The following TBC1D22A variants were observed in gnomAD, a reference collection of about 807,000 sequenced individuals.
TBC1D22A encodes the protein putative GTPase activator.
TBC1D22A carries 38 observed loss-of-function variants against 60.2 expected under a neutral mutation model. That is an observed-to-expected ratio of 0.63 (90% confidence interval 0.49 to 0.83). TBC1D22A has a LOEUF of 0.83. Ranked by LOEUF, TBC1D22A falls within the 40% of genes least tolerant of loss-of-function variation. The probability of loss-of-function intolerance (pLI) is 0.00; values close to 1 mark genes in which losing one functional copy is unlikely to be tolerated. For missense variants in TBC1D22A, 628 were observed against 701.0 expected, an observed-to-expected ratio of 0.90 and a Z score of 1.18; for synonymous variants, 302 against 281.7, an observed-to-expected ratio of 1.07 and a Z score of -0.72.
intron 9 of TBC1D22A, among the ~76,000 whole-genome samples, chr22:46,997,006 G>C (rs1055820623): frequency 6.6e-6 from 1 of 152,174 alleles, no homozygotes; most frequent in East Asian, 1.9e-4. Context: ...CCTAGAGCTG[G>C]GGCCCCATTC....
At chr22:47,054,596 C>G (rs574310983) in intron 11 of TBC1D22A, among the ~76,000 whole-genome samples, 1 of 152,230 alleles carries the variant, frequency 6.6e-6, no homozygotes, top group Admixed American at 6.5e-5. Context: ...ATTCCAGCCA[C>G]GCGGCTCCTC....
intron 12 of TBC1D22A, among the ~76,000 whole-genome samples, chr22:47,129,718 A>G (rs897230213): frequency 4.6e-5 from 7 of 152,216 alleles, no homozygotes; most frequent in Non-Finnish European, 7.3e-5. Context: ...CTTTTTAAAA[A>G]ACAAAAATTT....
intron 12 of TBC1D22A, among the ~76,000 whole-genome samples, chr22:47,136,166 C>A (rs1459187376): frequency 6.6e-6 from 1 of 152,252 alleles, no homozygotes; most frequent in East Asian, 1.9e-4. Context: ...TCCACCACGT[C>A]CCCTGAGGCC....
At chr22:46,795,132 A>T (rs2084596848) in intron 3 of TBC1D22A, among the ~76,000 whole-genome samples, 1 of 152,224 alleles carries the variant, frequency 6.6e-6, no homozygotes, top group Admixed American at 6.5e-5. Flanking sequence ...TCGTAACTGG[A>T]AATCTGGTGA....
chr22:47,027,651 G>GCAGACGA (rs1295145852), intron 10 of TBC1D22A, among the ~76,000 whole-genome samples: 1 of 152,174 alleles, frequency 6.6e-6, no homozygotes, highest in Non-Finnish European at 1.5e-5. Flanking sequence ...GAAACACAGA[G>GCAGACGA]CGTCTTTGTG....
At chr22:47,126,804 C>G (rs2066475185) in intron 12 of TBC1D22A, among the ~76,000 whole-genome samples, 1 of 152,208 alleles carries the variant, frequency 6.6e-6, no homozygotes. Flanking sequence ...GGAAATCCCT[C>G]CACTGACCCA....
intron 10 of TBC1D22A, among the ~76,000 whole-genome samples, chr22:47,035,749 G>C (rs904257797): frequency 6.6e-6 from 1 of 152,172 alleles, no homozygotes; most frequent in African/African-American, 2.4e-5. Context: ...GCTTAGTGGA[G>C]CCTGCTTGGA....
At chr22:47,162,463 C>T (rs17763276) in intron 12 of TBC1D22A, among the ~76,000 whole-genome samples, 62,712 of 152,032 alleles carry the variant, frequency 0.41, 14,034 homozygotes, top group East Asian at 0.69. Context: ...GACCGAGCCT[C>T]CTGCATAGCC....
At chr22:46,970,230 A>C (rs1251647553) in intron 8 of TBC1D22A, among the ~76,000 whole-genome samples, 111 of 122,244 alleles carry the variant, frequency 9.1e-4, no homozygotes, top group East Asian at 1.3e-3. Flanking sequence ...CCTGACCCCC[A>C]CCCCCAGGGC....
intron 4 of TBC1D22A, among the ~76,000 whole-genome samples, chr22:46,797,833 T>C (rs1037924689): frequency 1.1e-4 from 16 of 152,252 alleles, no homozygotes; most frequent in Non-Finnish European, 2.1e-4. Context: ...TTAATGTTTT[T>C]CCCATGCAAT....
intron 8 of TBC1D22A, among the ~76,000 whole-genome samples, chr22:46,941,654 A>ATATACGCGGAT: frequency 1.5e-5 from 1 of 66,942 alleles, no homozygotes; most frequent in Non-Finnish European, 3.5e-5. Context: ...TATATACGGA[A>ATATACGCGGAT]TATATATACG....
chr22:46,942,005 A>T (rs759517729), intron 8 of TBC1D22A, among the ~76,000 whole-genome samples: 21 of 132,838 alleles, frequency 1.6e-4, no homozygotes, highest in Non-Finnish European at 3.0e-4. Flanking sequence ...GGGCACCAGC[A>T]TACATATATA....
At chr22:47,092,176 G>A (rs2065003136) in intron 11 of TBC1D22A, among the ~76,000 whole-genome samples, 1 of 152,180 alleles carries the variant, frequency 6.6e-6, no homozygotes, top group South Asian at 2.1e-4. Context: ...TGCACTGGAG[G>A]GATGTCGGAG....
intron 4 of TBC1D22A, among the ~76,000 whole-genome samples, chr22:46,834,659 T>C (rs1415427901): frequency 6.6e-6 from 1 of 152,240 alleles, no homozygotes; most frequent in African/African-American, 2.4e-5. Context: ...GGGCTGGGAC[T>C]GTCAGTAGTC....
intron 11 of TBC1D22A, among the ~76,000 whole-genome samples, chr22:47,097,055 C>A (rs1270948296): frequency 1.6e-5 from 1 of 62,940 alleles, no homozygotes; most frequent in African/African-American, 9.0e-5. Flanking sequence ...GTGTCCACAT[C>A]AGTATGGGCA....
intron 1 of TBC1D22A, among the ~76,000 whole-genome samples, chr22:46,782,508 C>T (rs1159664121): frequency 6.6e-6 from 1 of 152,216 alleles, no homozygotes; most frequent in Non-Finnish European, 1.5e-5. Flanking sequence ...CACGTACATA[C>T]CACACCGTTC....
intron 1 of TBC1D22A, among the ~76,000 whole-genome samples, chr22:46,771,961 G>A (rs2083493452): frequency 6.6e-6 from 1 of 151,960 alleles, no homozygotes; most frequent in South Asian, 2.1e-4. Flanking sequence ...ACTTTACCCA[G>A]AATTGTTGTC....
chr22:46,829,115 T>C (rs2086196263), intron 4 of TBC1D22A, among the ~76,000 whole-genome samples: 1 of 152,202 alleles, frequency 6.6e-6, no homozygotes, highest in African/African-American at 2.4e-5. Flanking sequence ...CTGTGCATTC[T>C]CCAAGTGTCG....
At chr22:47,011,651 C>T (rs1411233737) in intron 10 of TBC1D22A, among the ~76,000 whole-genome samples, 1 of 152,196 alleles carries the variant, frequency 6.6e-6, no homozygotes, top group Non-Finnish European at 1.5e-5. Flanking sequence ...TGACACTCCC[C>T]TGCTTAAAGA....
Sources: gnomAD v4.1 joint callset for allele counts (sites outside exome capture counted in the v4.1 genomes callset) on GRCh38, gnomAD v4.1.1 for gene constraint, MANE v1.5 for transcripts, NCBI Gene and HGNC (gene_info 2026-07-23, HGNC 2026-07-21) for gene names.